LINGO1: variants seen among roughly 807,000 people sequenced by gnomAD.
LINGO1 encodes leucine-rich repeat and immunoglobulin-like domain-containing nogo receptor-interacting protein 1.
A neutral mutation model predicts 37.3 loss-of-function variants in LINGO1; 11 were observed. That is an observed-to-expected ratio of 0.29 (90% CI 0.19 to 0.49). The LOEUF (loss-of-function observed/expected upper bound fraction) is 0.49, where lower values mean the gene tolerates loss of function less well. LINGO1 is among the 20% of genes least tolerant of loss of function. The probability of loss-of-function intolerance (pLI) is 0.99; values close to 1 mark genes in which losing one functional copy is unlikely to be tolerated. For missense variants in LINGO1, 585 were observed against 878.2 expected, an observed-to-expected ratio of 0.67 and a Z score of 4.22; for synonymous variants, 387 against 403.0, an observed-to-expected ratio of 0.96 and a Z score of 0.48.
At chr15:77,732,758 G>C (rs139253530) in intron 2 of LINGO1, among the ~76,000 whole-genome samples, 5 of 152,360 alleles carry the variant, frequency 3.3e-5, no homozygotes, top group Non-Finnish European at 5.9e-5. Flanking sequence ...TGCCGTTGTT[G>C]TAACTGTGGC....
At chr15:77,710,070 G>A (rs968885696) in intron 2 of LINGO1, among the ~76,000 whole-genome samples, 1 of 152,262 alleles carries the variant, frequency 6.6e-6, no homozygotes, top group African/African-American at 2.4e-5. Flanking sequence ...AGGGAGAAGA[G>A]AGGGTGGCCG....
At chr15:77,770,587 CAAA>C (rs71145861) in intron 1 of LINGO1, among the ~76,000 whole-genome samples, 1,376 of 79,334 alleles carry the variant, frequency 0.017, 8 homozygotes, top group Non-Finnish European at 0.025. Flanking sequence ...GACTCTGTCT[CAAA>C]AAAAAAAAAA....
chr15:77,746,207 C>CAAAAAAAA (rs34220013), intron 1 of LINGO1, among the ~76,000 whole-genome samples: 1 of 75,632 alleles, frequency 1.3e-5, no homozygotes. Context: ...GACCCTGTCT[C>CAAAAAAAA]AAAAAAAAAA....
intron 2 of LINGO1, among the ~76,000 whole-genome samples, chr15:77,718,841 T>G (rs1034804819): frequency 1.3e-5 from 2 of 150,874 alleles, no homozygotes; most frequent in Non-Finnish European, 3.0e-5. Context: ...CTCTGTGGGC[T>G]ACCGGGGCCT....
chr15:77,795,567 T>C (rs1442716576), intron 2 of LINGO1, among the ~76,000 whole-genome samples: 1 of 152,190 alleles, frequency 6.6e-6, no homozygotes, highest in Non-Finnish European at 1.5e-5. Flanking sequence ...TGGACCCTGA[T>C]TGTCTCAGTC....
chr15:77,665,706 T>C (rs950422515), intron 3 of LINGO1, among the ~76,000 whole-genome samples: 2 of 152,136 alleles, frequency 1.3e-5, no homozygotes, highest in Non-Finnish European at 2.9e-5. Flanking sequence ...CACCGCACCC[T>C]CCGCCAGGCA....
intron 1 of LINGO1, among the ~76,000 whole-genome samples, chr15:77,797,047 A>C (rs1211263318): frequency 2.0e-5 from 3 of 152,112 alleles, no homozygotes; most frequent in Non-Finnish European, 4.4e-5. Flanking sequence ...GTTCCTCTAG[A>C]CCAGACCCTC....
chr15:77,765,994 G>C (rs2076524170), intron 1 of LINGO1, among the ~76,000 whole-genome samples: 1 of 152,190 alleles, frequency 6.6e-6, no homozygotes, highest in African/African-American at 2.4e-5. Flanking sequence ...CTGACCATTT[G>C]TTCAGGGCTA....
chr15:77,762,070 A>C (rs1318462032), intron 1 of LINGO1, among the ~76,000 whole-genome samples: 1 of 152,060 alleles, frequency 6.6e-6, no homozygotes, highest in African/African-American at 2.4e-5. Context: ...CCCTTAATTC[A>C]CCCTGGCAGG....
chr15:77,627,197 G>A (rs1387427562), intron 1 of LINGO1, among the ~76,000 whole-genome samples: 1 of 152,162 alleles, frequency 6.6e-6, no homozygotes, highest in Admixed American at 6.5e-5. Context: ...CACCCTGGCG[G>A]CAATCAATTT....
At chr15:77,789,797 G>T (rs2076804152), upstream of LINGO1, among the ~76,000 whole-genome samples, 7 of 150,618 alleles carry the variant, frequency 4.6e-5, no homozygotes, top group South Asian at 4.3e-4. Flanking sequence ...GGGCTTTGGG[G>T]TTTTTTTGAG....
At chr15:77,769,111 G>A (rs1260622372) in intron 1 of LINGO1, among the ~76,000 whole-genome samples, 2 of 152,186 alleles carry the variant, frequency 1.3e-5, no homozygotes, top group African/African-American at 2.4e-5. Flanking sequence ...GACCCTGGCC[G>A]CAGCCAGCAC....
At chr15:77,752,737 T>C (rs940435922) in intron 1 of LINGO1, among the ~76,000 whole-genome samples, 2 of 152,092 alleles carry the variant, frequency 1.3e-5, no homozygotes, top group Admixed American at 1.3e-4. Context: ...TCCCACTGTG[T>C]CCCTGTGCTG....
At position 77,794,396 on chromosome 15, in the gene LINGO1, ATACGTATATATG is replaced by A. The variant is rs2076848014; in HGVS notation, c.-343+1531_-343+1542del. Among the ~76,000 whole-genome samples, 10 of 69,352 alleles carry A rather than the reference ATACGTATATATG, an allele frequency of 1.4e-4. 1 individual carries two copies. Among genetic ancestry groups the A allele is most frequent in the Non-Finnish European group, 2.8e-5 (1 of 36,012 alleles). 45.5% of individuals were successfully genotyped at this position (69,352 alleles called of 152,430 possible). A position where few individuals can be genotyped will look rare whatever the true frequency, so the allele number is the denominator to read the frequency against. On this transcript the variant is annotated intron_variant, in intron 2 of 5. Transcript: ENST00000562933. ...TACGTATATGTATATACATACATAT[ATACGTATATATG>A]TGTATATACATACGTATATGTATAT...
chr15:77,712,202 C>A lies in LINGO1; in HGVS notation c.-194-21301G>T, dbSNP rs144508064. 4.5e-3 allele frequency among the ~76,000 whole-genome samples: 685 copies of A among 152,272 alleles called. 5 individuals are homozygous for A. The highest frequency in any genetic ancestry group is 0.016 in the African/African-American group (654 of 41,530). On this transcript the variant is annotated intron_variant, in intron 2 of 3. Coordinates refer to the LINGO1 transcript ENST00000561686. The stretch of plus-strand genomic sequence containing the variant: ...ACCTTCAGCTGCCATTCCCTGCAGC[C>A]TCTATCCCAGGCCACACCCTGGCCC...
chr15:77,806,703 C>T (rs2076962653), intron 1 of LINGO1, among the ~76,000 whole-genome samples: 1 of 152,112 alleles, frequency 6.6e-6, no homozygotes, highest in Non-Finnish European at 1.5e-5. Context: ...CTAGGGGACC[C>T]CGACCCCCCA....
At chr15:77,748,909 C>CCCT (rs2076342727) in intron 1 of LINGO1, among the ~76,000 whole-genome samples, 1 of 87,792 alleles carries the variant, frequency 1.1e-5, no homozygotes, top group African/African-American at 4.3e-5. Flanking sequence ...CCTTCCTTCT[C>CCCT]TTTTTTTTTT....
chr15:77,817,678 C>T (rs1360677878), intron 1 of LINGO1, among the ~76,000 whole-genome samples: 1 of 152,146 alleles, frequency 6.6e-6, no homozygotes, highest in East Asian at 1.9e-4. Flanking sequence ...ACGTGCCACA[C>T]GCAGCAGGAG....
At chr15:77,751,457 G>A (rs1009889575) in intron 1 of LINGO1, among the ~76,000 whole-genome samples, 105 of 152,320 alleles carry the variant, frequency 6.9e-4, no homozygotes, top group African/African-American at 2.5e-3. Flanking sequence ...CACAGAGATG[G>A]GAGTGAGCAT....
Sources: gnomAD v4.1 joint callset for allele counts (sites outside exome capture counted in the v4.1 genomes callset) on GRCh38, gnomAD v4.1.1 for gene constraint, MANE v1.5 for transcripts, NCBI Gene and HGNC (gene_info 2026-07-23, HGNC 2026-07-21) for gene names.